Variants in PRKN observed in about 807,000 individuals in gnomAD.
PRKN encodes E3 ubiquitin-protein ligase parkin.
PRKN carries 56 observed loss-of-function variants against 59.5 expected under a neutral mutation model. That is an observed-to-expected ratio of 0.94 (90% CI 0.76 to 1.18). The LOEUF (loss-of-function observed/expected upper bound fraction) is 1.18, where lower values mean the gene tolerates loss of function less well. Among genes scored for constraint, PRKN ranks in the 50% most tolerant of loss-of-function variants. The pLI is 0.00. For synonymous variants in PRKN, 250 were observed against 222.1 expected, an observed-to-expected ratio of 1.13 and a Z score of -1.12; for missense variants, 657 against 596.4, an observed-to-expected ratio of 1.10 and a Z score of -1.06.
intron 1 of PRKN, among the ~76,000 whole-genome samples, chr6:162,448,386 C>A (rs1790423408): frequency 6.6e-6 from 1 of 152,078 alleles, no homozygotes; most frequent in Non-Finnish European, 1.5e-5. Context: ...TTTCTTATCA[C>A]CCTGGTCTCC....
chr6:162,185,081 C>T (rs1783969044), intron 4 of PRKN, among the ~76,000 whole-genome samples: 2 of 152,114 alleles, frequency 1.3e-5, no homozygotes, highest in South Asian at 4.1e-4. Flanking sequence ...TTGGGCTCTG[C>T]TTCTGAACAT....
At position 161,592,265 on chromosome 6, in the gene PRKN, G is replaced by A. The variant is rs985997989; in HGVS notation, c.872-22849C>T. On this transcript the variant is annotated intron_variant, in intron 7 of 11. Coordinates refer to ENST00000366898, the MANE Select transcript of PRKN (RefSeq NM_004562.3). This position sits in a 1 kb window ranked among gnomAD's most constrained non-coding sequence, Gnocchi z 4.8. ...ACACTAGGTTGAGGTAATGCTTCAT[G>A]ATTGTTGAATGTAGGATTTTGGATA... Among the ~76,000 whole-genome samples, 2 of 152,148 alleles carry A rather than the reference G, an allele frequency of 1.3e-5. No individual in the cohort carries two copies. Among genetic ancestry groups the A allele is most frequent in the Non-Finnish European group, 2.9e-5 (2 of 68,020 alleles).
intron 5 of PRKN, among the ~76,000 whole-genome samples, chr6:162,031,387 A>T (rs1416328496): frequency 1.3e-5 from 2 of 148,148 alleles, no homozygotes; most frequent in Non-Finnish European, 3.0e-5. Flanking sequence ...CCCATCCTCC[A>T]CATCCCTCTC....
At chr6:162,636,369 G>A (rs1323102258) in intron 1 of PRKN, among the ~76,000 whole-genome samples, 1 of 152,150 alleles carries the variant, frequency 6.6e-6, no homozygotes, top group Non-Finnish European at 1.5e-5. Context: ...TCCACCTCCT[G>A]TGGAGCAATG....
chr6:162,697,009 T>C (rs1411053623), intron 1 of PRKN, among the ~76,000 whole-genome samples: 3 of 152,194 alleles, frequency 2.0e-5, no homozygotes, highest in African/African-American at 7.2e-5. Context: ...TAATAGCAAA[T>C]TAATACTCAA....
intron 7 of PRKN, among the ~76,000 whole-genome samples, chr6:161,684,804 AAC>A (rs1491324967): frequency 6.6e-6 from 1 of 152,082 alleles, no homozygotes; most frequent in African/African-American, 2.4e-5. Flanking sequence ...AAAAAAAAAA[AAC>A]ATTCCTGTGC....
Position 162,111,707 on chromosome 6 carries a change from A to G in PRKN, c.535-57533T>C, listed in dbSNP as rs970400092. Among the ~76,000 whole-genome samples the G allele has an allele frequency of 4.0e-5, 6 of 148,674 alleles. No individual in the cohort carries two copies. In the East Asian group the frequency reaches 5.9e-4, roughly 15 times the overall value. On this transcript the variant is annotated intron_variant, in intron 4 of 11. Coordinates refer to ENST00000366898, the MANE Select transcript of PRKN (RefSeq NM_004562.3). ...CAAGTTTTCTACAGTCTCACAATTA[A>G]AAAAAAAAAGGTGGAGAAAAATTTT...
At chr6:162,075,041 C>G (rs572922674) in intron 4 of PRKN, among the ~76,000 whole-genome samples, 5 of 152,108 alleles carry the variant, frequency 3.3e-5, no homozygotes, top group African/African-American at 1.2e-4. Context: ...TTAGGAGAAC[C>G]ATATGATTAT....
At chr6:162,493,129 C>T (rs146766001) in intron 1 of PRKN, among the ~76,000 whole-genome samples, 2 of 152,204 alleles carry the variant, frequency 1.3e-5, no homozygotes, top group African/African-American at 4.8e-5. Context: ...CTTGTTCGGC[C>T]AGCAGGATAA....
chr6:162,127,978 C>T (rs1781187981), intron 4 of PRKN, among the ~76,000 whole-genome samples: 1 of 152,194 alleles, frequency 6.6e-6, no homozygotes, highest in South Asian at 2.1e-4. Context: ...CTACTTCAGC[C>T]CTACTTCTCT....
chr6:162,193,380 CA>C (rs1370709533), intron 4 of PRKN, among the ~76,000 whole-genome samples: 6 of 152,136 alleles, frequency 3.9e-5, no homozygotes, highest in African/African-American at 1.4e-4. Context: ...CCCTCTTCGC[CA>C]AAGCTGAATG....
intron 6 of PRKN, 39 bp downstream of exon 6, chr6:161,973,263 C>G: frequency 1.5e-6 from 2 of 1,300,236 alleles, no homozygotes; most frequent in East Asian, 4.6e-5. Flanking sequence ...CCTTACCTCA[C>G]GTCCGTGGAG....
intron 2 of PRKN, among the ~76,000 whole-genome samples, chr6:162,377,456 G>A (rs1419534971): frequency 6.6e-6 from 1 of 152,170 alleles, no homozygotes; most frequent in East Asian, 1.9e-4. Flanking sequence ...GTGCCCTGAC[G>A]GGGGCCACTC....
chr6:162,384,376 G>A (rs1210134726), intron 2 of PRKN, among the ~76,000 whole-genome samples: 1 of 152,108 alleles, frequency 6.6e-6, no homozygotes, highest in African/African-American at 2.4e-5. Context: ...GGAAGCCCAA[G>A]GAGAGGAAGA....
In PRKN at chr6:161,552,887, T is replaced by C. The variant is rs1431694603; in HGVS notation, c.934-3884A>G. 6.6e-6 allele frequency among the ~76,000 whole-genome samples: 1 copy of C among 150,954 alleles called. No homozygotes were observed. The highest frequency in any genetic ancestry group is 1.5e-5 in the Non-Finnish European group (1 of 67,788). ...CTCACTGCAACCTTCATCTCTTGGG[T>C]TCAAGCGATTCTCCTGCCTCAGCCT... is the stretch of plus-strand genomic sequence containing the variant. On this transcript the variant is annotated intron_variant, in intron 8 of 11. Transcript: ENST00000366898. The surrounding 1 kb of genome is among the most constrained non-coding windows in gnomAD (Gnocchi z 4.9).
intron 1 of PRKN, among the ~76,000 whole-genome samples, chr6:162,678,362 A>G (rs143082880): frequency 3.6e-4 from 55 of 152,290 alleles, no homozygotes; most frequent in African/African-American, 1.3e-3. Context: ...ATATTTCACT[A>G]TATAAGACAC....
chr6:162,395,659 C>A (rs1787438302), intron 2 of PRKN, among the ~76,000 whole-genome samples: 1 of 151,702 alleles, frequency 6.6e-6, no homozygotes, highest in Non-Finnish European at 1.5e-5. Context: ...GACACTGATA[C>A]AAACGCCAAA....
At chr6:162,251,479 C>A (rs186057044) in intron 3 of PRKN, among the ~76,000 whole-genome samples, 44 of 152,228 alleles carry the variant, frequency 2.9e-4, no homozygotes, top group Non-Finnish European at 4.9e-4. Flanking sequence ...GTTACAGTCT[C>A]CAAGCAGCCA....
At chr6:162,703,364 C>A (rs1778226235) in intron 1 of PRKN, among the ~76,000 whole-genome samples, 1 of 152,146 alleles carries the variant, frequency 6.6e-6, no homozygotes. Flanking sequence ...TATATACATT[C>A]TCTTTCTAAT....
Sources: gnomAD v4.1 joint callset for allele counts (sites outside exome capture counted in the v4.1 genomes callset) on GRCh38, gnomAD v4.1.1 for gene constraint, Gnocchi (gnomAD v3.1) non-coding constraint, MANE v1.5 for transcripts, NCBI Gene and HGNC (gene_info 2026-07-23, HGNC 2026-07-21) for gene names.